The following ABCC12 variants were observed in gnomAD, a reference collection of about 807,000 sequenced individuals.
ABCC12 encodes ATP binding cassette subfamily C member 12.
Under a neutral mutation model 151.1 loss-of-function variants are expected in ABCC12, and 142 were observed. That is an observed-to-expected ratio of 0.94 (90% CI 0.82 to 1.08). ABCC12 has a LOEUF of 1.08. ABCC12 is among the 50% of genes least tolerant of loss of function. The pLI is 0.00. For missense variants in ABCC12, 1,638 were observed against 1,691.1 expected (o/e 0.97, Z 0.55); for synonymous variants, 645 against 646.4 (o/e 1.00, Z 0.03).
chr16:48,108,341 A>G, intron 19 of ABCC12, 99 bp downstream of exon 19: 1 of 1,152,516 alleles, frequency 8.7e-7, no homozygotes, highest in South Asian at 1.5e-5. Context: ...GCATAAACAG[A>G]ATAATTGTTA....
intron 6 of ABCC12, 75 bp downstream of exon 6, chr16:48,140,612 A>G (rs903435001): frequency 8.6e-6 from 12 of 1,394,416 alleles, no homozygotes; most frequent in Non-Finnish European, 1.2e-5. Flanking sequence ...TGCTCCACTC[A>G]GGATCCACAT....
At chr16:48,121,687 G>C (rs753148776) in intron 13 of ABCC12, 29 bp downstream of exon 13, 2 of 1,613,460 alleles carry the variant, frequency 1.2e-6, no homozygotes, top group Non-Finnish European at 1.7e-6. Context: ...AAACACAAAT[G>C]TGCCTCCTGC....
At chr16:48,091,281 AG>A in intron 24 of ABCC12, 72 bp from the exon 25 acceptor site, 2 of 1,364,338 alleles carry the variant, frequency 1.5e-6, no homozygotes, top group Admixed American at 3.4e-5. Context: ...CCCGTTCAGG[AG>A]GCAGTCCTAG....
At position 48,130,771 on chromosome 16, in the gene ABCC12, C is replaced by G. The variant is rs956794495; in HGVS notation, c.1236+17G>C. Reference sequence around the variant, plus strand: ...AAATGAGATCTCTCTTCCCTACTCACCCAGGGTTAGTTATACCTTCATTCT... The same window carrying G: ...AAATGAGATCTCTCTTCCCTACTCAGCCAGGGTTAGTTATACCTTCATTCT... On this transcript the variant is annotated intron_variant, in intron 10 of 30. Transcript: ENST00000311303. 1.9e-6 allele frequency: 3 copies of G among 1,574,484 alleles called. No homozygotes were observed. The highest frequency in any genetic ancestry group is 2.6e-6 in the Non-Finnish European group (3 of 1,144,312).
At chr16:48,140,494 T>TGA (rs1411071506) in intron 6 of ABCC12, among the ~76,000 whole-genome samples, 193 bp downstream of exon 6, 3 of 152,162 alleles carry the variant, frequency 2.0e-5, no homozygotes, top group Non-Finnish European at 4.4e-5. Flanking sequence ...CAGCCTGAAC[T>TGA]GAGCCCTCCC....
chr16:48,102,575 G>A (rs1248698040), intron 22 of ABCC12, among the ~76,000 whole-genome samples: 1 of 152,114 alleles, frequency 6.6e-6, no homozygotes, highest in Admixed American at 6.5e-5. Flanking sequence ...AACAGTGAAA[G>A]ACAGCAGCAA....
rs760601895 is a variant in ABCC12, at chr16:48,139,222, T to C, written c.772A>G (p.Ile258Val). The C allele has an allele frequency of 8.7e-6, 14 of 1,613,796 alleles. No individual in the cohort carries two copies. The highest frequency in any genetic ancestry group is 3.3e-4 in the Middle Eastern group (2 of 6,084). The change falls in exon 7 of 31, where the codon ATT becomes GTT. Residue 258 changes from isoleucine to valine, a missense_variant. Transcript: ENST00000311303. The stretch of plus-strand genomic sequence containing the variant: ...CCGATGAGAGCTGTGGGCCCCAGAA[T>C]GAAAAAGGCGTACGCCGCACAAAAG... ...MVFCAAYAFF[I>V]LGPTALIGIS...
Position 48,141,250 on chromosome 16 carries a change from T to G in ABCC12, c.379A>C (p.Ile127Leu). The G allele has an allele frequency of 6.2e-7, 1 of 1,614,168 alleles. No individual in the cohort carries two copies. Among genetic ancestry groups the G allele is most frequent in the South Asian group, 1.1e-5 (1 of 91,082 alleles). Reference protein sequence around the residue: ...KFQRTRVLMDIVANILCIIMA... With the variant: ...KFQRTRVLMDLVANILCIIMA... Reference sequence around the variant, plus strand: ...ATGATGCACAGGATGTTGGCCACGATGTCCATCAACACGCGTGTCCTCTGG... The same window carrying G: ...ATGATGCACAGGATGTTGGCCACGAGGTCCATCAACACGCGTGTCCTCTGG... Residue 127 changes from isoleucine (I) to leucine (L), a missense_variant, in exon 5 of 31, where the codon ATC becomes CTC. Ile to Leu is a conservative substitution (Grantham distance 5). Transcript: ENST00000311303.
intron 23 of ABCC12, 70 bp downstream of exon 23, chr16:48,100,802 C>G: frequency 6.4e-7 from 1 of 1,553,486 alleles, no homozygotes; most frequent in Non-Finnish European, 8.7e-7. Flanking sequence ...CTTCCCTCCT[C>G]CTGTGCACTC....
chr16:48,140,599 A>T (rs1489207212), intron 6 of ABCC12, 88 bp downstream of exon 6: 20 of 1,256,862 alleles, frequency 1.6e-5, no homozygotes, highest in Non-Finnish European at 2.2e-5. Context: ...AAAGGAAGGC[A>T]GGTGCTCCAC....
At position 48,128,522 on chromosome 16, in the gene ABCC12, G is replaced by GCTGTGTCA. The variant is rs763437136; in HGVS notation, c.1451_1452insTGACACAG (p.Pro485AspfsTer18). ...TGAGGCTGTCACTTTGCTCCTCTGGGCCAGTGGCTCCCTTGGCTGGTGGAC... is the reference window on the plus strand; with the variant it reads ...TGAGGCTGTCACTTTGCTCCTCTGGGCTGTGTCACCAGTGGCTCCCTTGGCTGGTGGAC... On this transcript the variant is annotated frameshift_variant, in exon 11 of 31. Coordinates refer to ENST00000311303, the MANE Select transcript of ABCC12 (RefSeq NM_001393797.1). LOFTEE classifies it high-confidence loss of function. 6.2e-7 allele frequency: 1 copy of GCTGTGTCA among 1,614,112 alleles called. No homozygotes were observed. Among genetic ancestry groups the GCTGTGTCA allele is most frequent in the Non-Finnish European group, 8.5e-7 (1 of 1,180,056 alleles).
chr16:48,106,361 G>A (rs1428623411), intron 20 of ABCC12, among the ~76,000 whole-genome samples: 1 of 152,026 alleles, frequency 6.6e-6, no homozygotes, highest in Non-Finnish European at 1.5e-5. Flanking sequence ...AGGGCACCAG[G>A]CGCAAACATA....
In ABCC12 at chr16:48,111,796, G is replaced by A; in HGVS notation, c.2104C>T (p.Leu702=). Residue 702 remains leucine (L), a synonymous_variant, in exon 16 of 31, where the codon CTG becomes TTG. Transcript: ENST00000311303. ...GTTACCTTGAACTGCAATCCTCGCA[G>A]GTTGTGAATCAGTTTTGCATAGCGC... ...RGRYAKLIHN[L]RGLQFKDPEH... 1 of 1,614,052 alleles carries A rather than the reference G, an allele frequency of 6.2e-7. No homozygotes were observed. Among genetic ancestry groups the A allele is most frequent in the East Asian group, 2.2e-5 (1 of 44,898 alleles).
chr16:48,121,518 G>A (rs1192983337), intron 13 of ABCC12, 198 bp downstream of exon 13: 4 of 586,508 alleles, frequency 6.8e-6, no homozygotes, highest in East Asian at 6.4e-5. Context: ...GTGTGCAGTC[G>A]CAGGTCTGCA....
At chr16:48,104,514 G>A (rs1963419060) in intron 21 of ABCC12, 146 bp from the exon 22 acceptor site, 2 of 692,714 alleles carry the variant, frequency 2.9e-6, no homozygotes, top group Non-Finnish European at 2.4e-6. Context: ...GGGAAAGGGA[G>A]GATGCACCCC....
In ABCC12 at chr16:48,088,636, T is replaced by G. The variant is rs773961842; in HGVS notation, c.3384A>C (p.Arg1128Ser). The change falls in exon 26 of 31, where the codon AGA (arginine) becomes AGC (serine). Residue 1128 changes from arginine to serine, a missense_variant. Arg to Ser is a moderately radical substitution (Grantham distance 110). Transcript: ENST00000311303. The stretch of plus-strand genomic sequence containing the variant: ...GAACAAGGGGGGTGTTGTCTCTGTA[T>G]CTCATCTGATAGTCTCTGAAGGTGA... ...GEITFRDYQM[R>S]YRDNTPLVLD... is the part of the protein sequence containing the mutation. 18 of 1,614,216 alleles carry G rather than the reference T, an allele frequency of 1.1e-5. No individual in the cohort carries two copies. The Admixed American group carries it at 3.0e-4, about 27-fold the overall frequency.
chr16:48,132,789 C>T (rs1363405981), intron 9 of ABCC12, among the ~76,000 whole-genome samples: 1 of 152,192 alleles, frequency 6.6e-6, no homozygotes, highest in African/African-American at 2.4e-5. Context: ...GACCTAAGAG[C>T]CTGAGATGGT....
At position 48,115,523 on chromosome 16, in the gene ABCC12, G is replaced by A. The variant is rs746329751; in HGVS notation, c.1881C>T (p.Asp627=). 5.0e-5 allele frequency: 81 copies of A among 1,614,102 alleles called. No individual in the cohort carries two copies. Among genetic ancestry groups the A allele is most frequent in the Non-Finnish European group, 5.9e-5 (70 of 1,180,048 alleles). The part of the protein sequence containing the change: ...VYSDRQLYLL[D]DPLSAVDAHV... ...GGGCGTCCACGGCCGACAGGGGGTC[G>A]TCCAGCAGGTAGAGCTGACGGTCGG... The change falls in exon 15 of 31, where the codon GAC becomes GAT. Residue 627 remains aspartate, a synonymous_variant. Transcript: ENST00000311303.
At chr16:48,104,489 G>A in intron 21 of ABCC12, 121 bp from the exon 22 acceptor site, 1 of 822,446 alleles carries the variant, frequency 1.2e-6, no homozygotes, top group Non-Finnish European at 2.0e-6. Flanking sequence ...ACAACACAGT[G>A]TGTCAGGTGA....
Sources: gnomAD v4.1 joint callset for allele counts (sites outside exome capture counted in the v4.1 genomes callset) on GRCh38, gnomAD v4.1.1 for gene constraint, MANE v1.5 for transcripts, NCBI Gene and HGNC (gene_info 2026-07-23, HGNC 2026-07-21) for gene names.